The following KIF3C variants were observed in gnomAD, a reference collection of about 807,000 sequenced individuals.
KIF3C encodes the protein kinesin-like protein KIF3C.
A neutral mutation model predicts 67.7 loss-of-function variants in KIF3C; 12 were observed. The ratio of observed to expected loss-of-function variants is 0.18; its 90% CI spans 0.11 to 0.29. The LOEUF (loss-of-function observed/expected upper bound fraction) is 0.29, where lower values mean the gene tolerates loss of function less well. KIF3C is among the 10% of genes least tolerant of loss of function. The probability of loss-of-function intolerance (pLI) is 1.00; values close to 1 mark genes in which losing one functional copy is unlikely to be tolerated. For missense variants in KIF3C, 789 were observed against 1,059.6 expected (o/e 0.74, Z 3.55); for synonymous variants, 393 against 426.2 (o/e 0.92, Z 0.96).
chr2:25,948,126 G>T (rs1663494848), intron 5 of KIF3C, among the ~76,000 whole-genome samples: 1 of 152,208 alleles, frequency 6.6e-6, no homozygotes, highest in South Asian at 2.1e-4. Flanking sequence ...GGGAGGCTGA[G>T]TGGGAGGATC....
chr2:25,935,001 T>C (rs968531251), intron 5 of KIF3C, among the ~76,000 whole-genome samples: 2 of 152,104 alleles, frequency 1.3e-5, no homozygotes, highest in African/African-American at 4.8e-5. Context: ...CCCAGCACTT[T>C]GGGAGGCCGA....
intron 1 of KIF3C, among the ~76,000 whole-genome samples, chr2:25,975,907 G>A (rs1027743253): frequency 6.6e-6 from 1 of 151,828 alleles, no homozygotes; most frequent in Admixed American, 6.6e-5. Context: ...GCAGTGAGCC[G>A]AGATCACGCC....
intron 1 of KIF3C, among the ~76,000 whole-genome samples, chr2:25,966,426 G>T (rs1664143204): frequency 6.6e-6 from 1 of 152,124 alleles, no homozygotes; most frequent in Non-Finnish European, 1.5e-5. Context: ...CTCTTATATT[G>T]ACTATGTGCT....
intron 1 of KIF3C, among the ~76,000 whole-genome samples, chr2:25,963,194 A>ATTT (rs1178352678): frequency 4.4e-4 from 23 of 52,860 alleles, no homozygotes; most frequent in African/African-American, 5.2e-4. Flanking sequence ...ATATATATAT[A>ATTT]TATTTTTTTT....
At chr2:25,968,218 A>G (rs1250737313) in intron 1 of KIF3C, among the ~76,000 whole-genome samples, 1 of 152,242 alleles carries the variant, frequency 6.6e-6, no homozygotes. Flanking sequence ...GACAAAAATC[A>G]GGAGACTGAG....
intron 1 of KIF3C, among the ~76,000 whole-genome samples, chr2:25,971,894 T>C (rs1664294132): frequency 7.0e-6 from 1 of 142,684 alleles, no homozygotes; most frequent in South Asian, 2.3e-4. Context: ...TTTTTTTTTT[T>C]TTTTTACTTT....
intron 4 of KIF3C, among the ~76,000 whole-genome samples, chr2:25,952,703 A>C (rs1369091769): frequency 6.6e-6 from 1 of 151,814 alleles, no homozygotes; most frequent in Admixed American, 6.6e-5. Context: ...GATTACAGGC[A>C]CATGCCACCA....
At chr2:25,974,835 T>C (rs1194434976) in intron 1 of KIF3C, among the ~76,000 whole-genome samples, 1 of 151,978 alleles carries the variant, frequency 6.6e-6, no homozygotes. Flanking sequence ...GAGACCAGCC[T>C]GACCAACATG....
At position 25,982,403 on chromosome 2, in the gene KIF3C, C is replaced by A. The variant is rs991445962; in HGVS notation, c.-486G>T. ...AGAGGCTCACCTGGAGTCCTCCCCC[C>A]AAGCTGGGGGATCATTCATTGCAGC... On this transcript the variant is annotated 5_prime_UTR_variant, in exon 1 of 8. Coordinates refer to ENST00000264712, the MANE Select transcript of KIF3C (RefSeq NM_002254.8). 5.3e-4 allele frequency: 212 copies of A among 398,648 alleles called. 1 individual carries two copies. The East Asian group carries it at 5.5e-3, about 10-fold the overall frequency. 24.7% of individuals were successfully genotyped at this position (398,648 alleles called of 1,614,324 possible). A position where few individuals can be genotyped will look rare whatever the true frequency, so the allele number is the denominator to read the frequency against.
rs1049346746 is a variant in KIF3C, at chr2:25,926,952, A to G, written c.*2026T>C. ...GAGAAAGAGAGACAGAGAGACTGAG[A>G]TCCAGCCACTCCTGGTGGCCCTGTT... On this transcript the variant is annotated 3_prime_UTR_variant, in exon 8 of 8. Transcript: ENST00000264712. 3 of 152,340 alleles carry G rather than the reference A, an allele frequency of 2.0e-5. No homozygotes were observed. Among genetic ancestry groups the G allele is most frequent in the Admixed American group, 6.6e-5 (1 of 15,264 alleles). The allele number at this position is 152,340 out of a possible 1,614,324, so 9.4% of individuals were successfully genotyped here. A position where few individuals can be genotyped will look rare whatever the true frequency, so the allele number is the denominator to read the frequency against.
chr2:25,940,254 T>G (rs1018387581), intron 5 of KIF3C, among the ~76,000 whole-genome samples: 1 of 152,038 alleles, frequency 6.6e-6, no homozygotes, highest in Non-Finnish European at 1.5e-5. Flanking sequence ...ATGAAAAAAT[T>G]TGGGTTCAGA....
chr2:25,982,081 G>A lies in KIF3C; in HGVS notation c.-164C>T. On this transcript the variant is annotated 5_prime_UTR_variant, in exon 1 of 8. Coordinates refer to ENST00000264712, the MANE Select transcript of KIF3C (RefSeq NM_002254.8). ...GGGGACGCTGGGAGGTGGCCCCAAC[G>A]CTGCTGCAGTCCGGGCCTCCACCGC... The A allele has an allele frequency of 1.8e-6, 1 of 569,050 alleles. No homozygotes were observed. The highest frequency in any genetic ancestry group is 3.1e-6 in the Non-Finnish European group (1 of 327,152). 35.3% of individuals were successfully genotyped at this position (569,050 alleles called of 1,614,324 possible).
intron 4 of KIF3C, 49 bp downstream of exon 4, chr2:25,954,218 A>T: frequency 7.3e-7 from 1 of 1,368,178 alleles, no homozygotes; most frequent in Non-Finnish European, 1.0e-6. Context: ...GGCCTGAGTA[A>T]TGATGGCTGG....
At position 25,944,951 on chromosome 2, in the gene KIF3C, C is replaced by T. The variant is rs562872759; in HGVS notation, c.2006+6838G>A. ...TTCAAGATCAGCCTGGCCAACATGGCGAAACCCCGCCTCTTCTAAAAATGC... is the reference window on the plus strand; with the variant it reads ...TTCAAGATCAGCCTGGCCAACATGGTGAAACCCCGCCTCTTCTAAAAATGC... On this transcript the variant is annotated intron_variant, in intron 5 of 7. Transcript: ENST00000264712. 1.7e-3 allele frequency among the ~76,000 whole-genome samples: 260 copies of T among 151,966 alleles called. 2 individuals are homozygous for T. The highest frequency in any genetic ancestry group is 6.0e-3 in the African/African-American group (248 of 41,462).
intron 5 of KIF3C, among the ~76,000 whole-genome samples, chr2:25,939,140 G>T (rs1049526027): frequency 6.6e-6 from 1 of 152,084 alleles, no homozygotes. Context: ...GCTAATTTTT[G>T]TATTTTTAGT....
rs184534506 is a variant in KIF3C at position 25,948,281 on chromosome 2, G to A, written c.2006+3508C>T. ...TAAGGAGGGGAAGTCCAGGCTGGGT[G>A]GGGTGGCTCATGCCTGTGATCCCAA... On this transcript the variant is annotated intron_variant, in intron 5 of 7. Coordinates refer to ENST00000264712, the MANE Select transcript of KIF3C (RefSeq NM_002254.8). Among the ~76,000 whole-genome samples, 653 of 152,216 alleles carry A rather than the reference G, an allele frequency of 4.3e-3. 4 individuals carry two copies. The highest frequency in any genetic ancestry group is 7.0e-3 in the Non-Finnish European group (477 of 68,008).
chr2:25,939,585 T>C (rs190965047), intron 5 of KIF3C, among the ~76,000 whole-genome samples: 1 of 152,320 alleles, frequency 6.6e-6, no homozygotes, highest in East Asian at 1.9e-4. Context: ...GGGGTGAACT[T>C]TGCCTCTGTG....
chr2:25,982,040 T>C lies in KIF3C; in HGVS notation c.-123A>G, dbSNP rs945903984. ...CCCAGGCGCAGCTCTTCAATCCGCA[T>C]GCAGCCTCCTAGGGTGGGGACGCTG... On this transcript the variant is annotated 5_prime_UTR_variant, in exon 1 of 8. An upstream start codon of the reference 5' UTR is lost. Coordinates refer to ENST00000264712, the MANE Select transcript of KIF3C (RefSeq NM_002254.8). 1 of 747,152 alleles carries C rather than the reference T, an allele frequency of 1.3e-6. No homozygotes were observed. The highest frequency in any genetic ancestry group is 2.1e-6 in the Non-Finnish European group (1 of 472,650). 46.3% of individuals were successfully genotyped at this position (747,152 alleles called of 1,614,324 possible).
chr2:25,930,150 G>A lies in KIF3C; in HGVS notation c.2007-87C>T, dbSNP rs193018633. 86 of 1,042,166 alleles carry A rather than the reference G, an allele frequency of 8.3e-5. No individual in the cohort carries two copies. The East Asian group carries it at 2.0e-3, about 24-fold the overall frequency. 64.6% of individuals were successfully genotyped at this position (1,042,166 alleles called of 1,614,324 possible). ...TGAGGACCTAAATATCATTCAGGTA[G>A]CTAGGAGGCCCTGCAGACTGCAAGT... On this transcript the variant is annotated intron_variant, in intron 5 of 7. Coordinates refer to ENST00000264712, the MANE Select transcript of KIF3C (RefSeq NM_002254.8).
Sources: gnomAD v4.1 joint callset for allele counts (sites outside exome capture counted in the v4.1 genomes callset) on GRCh38, gnomAD v4.1.1 for gene constraint, MANE v1.5 for transcripts, NCBI Gene and HGNC (gene_info 2026-07-23, HGNC 2026-07-21) for gene names.